The following LRRC8B variants were observed in gnomAD, a reference collection of about 807,000 sequenced individuals.
The protein encoded by LRRC8B is volume-regulated anion channel subunit LRRC8B.
Under a neutral mutation model 58.8 loss-of-function variants are expected in LRRC8B, and 23 were observed. That is an observed-to-expected ratio of 0.39 (90% CI 0.28 to 0.55). The LOEUF is 0.55. Ranked by LOEUF, LRRC8B falls within the 20% of genes least tolerant of loss-of-function variation. LRRC8B has a pLI of 0.62. For missense variants in LRRC8B, 694 were observed against 936.0 expected (o/e 0.74, Z 3.37); for synonymous variants, 359 against 374.1 (o/e 0.96, Z 0.47).
At position 89,594,955 on chromosome 1, in the gene LRRC8B, T is replaced by G. The variant is rs1306241048; in HGVS notation, c.*1912T>G. ...TTTCTCTTGCTTTGTTCCAGAAAGA[T>G]GAAAGTGAGTCTTTAAAGCATAGCA... On this transcript the variant is annotated 3_prime_UTR_variant, in exon 6 of 6. Coordinates refer to ENST00000330947, the MANE Select transcript of LRRC8B (RefSeq NM_001369817.2). 6.6e-6 allele frequency: 1 copy of G among 152,178 alleles called. No homozygotes were observed. Among genetic ancestry groups the G allele is most frequent in the Admixed American group, 6.5e-5 (1 of 15,270 alleles). The allele number at this position is 152,178 out of a possible 1,614,324, so 9.4% of individuals were successfully genotyped here.
At chr1:89,553,696 CT>C (rs1257887717) in intron 1 of LRRC8B, among the ~76,000 whole-genome samples, 1 of 152,168 alleles carries the variant, frequency 6.6e-6, no homozygotes, top group Admixed American at 6.5e-5. Context: ...CATCAGTTTA[CT>C]GGCTAAATCT....
At chr1:89,556,463 A>C (rs1652199346) in intron 1 of LRRC8B, among the ~76,000 whole-genome samples, 1 of 152,176 alleles carries the variant, frequency 6.6e-6, no homozygotes, top group African/African-American at 2.4e-5. Flanking sequence ...AGTCAAGTCA[A>C]ACAGAAGTAC....
intron 1 of LRRC8B, among the ~76,000 whole-genome samples, chr1:89,539,897 A>G (rs995588029): frequency 2.0e-5 from 3 of 152,226 alleles, no homozygotes; most frequent in East Asian, 1.9e-4. Flanking sequence ...AAAAATAAGT[A>G]GTTGAACAGC....
intron 1 of LRRC8B, among the ~76,000 whole-genome samples, chr1:89,529,289 C>T (rs1638693285): frequency 6.6e-6 from 1 of 152,156 alleles, no homozygotes; most frequent in African/African-American, 2.4e-5. Flanking sequence ...ATTTTAAATA[C>T]TTGGGCATTT....
At chr1:89,565,580 G>C (rs954819748) in intron 1 of LRRC8B, among the ~76,000 whole-genome samples, 1 of 152,214 alleles carries the variant, frequency 6.6e-6, no homozygotes, top group African/African-American at 2.4e-5. Flanking sequence ...GCTGTCATTT[G>C]CTTTGCCACC....
At chr1:89,552,502 G>A (rs1392873592) in intron 1 of LRRC8B, among the ~76,000 whole-genome samples, 1 of 152,134 alleles carries the variant, frequency 6.6e-6, no homozygotes, top group South Asian at 2.1e-4. Context: ...TACTGAGTCA[G>A]TTAAAAGCAG....
intron 1 of LRRC8B, among the ~76,000 whole-genome samples, chr1:89,566,153 A>G (rs139129160): frequency 1.6e-4 from 24 of 152,352 alleles, no homozygotes; most frequent in African/African-American, 3.4e-4. Context: ...TGGGATGCCA[A>G]TAAATGAGAT....
chr1:89,555,971 C>G (rs1029111424), intron 1 of LRRC8B, among the ~76,000 whole-genome samples: 1 of 152,144 alleles, frequency 6.6e-6, no homozygotes, highest in South Asian at 2.1e-4. Flanking sequence ...TTAACCATAC[C>G]TAAGTTTGTT....
At chr1:89,539,057 T>C (rs1441523139) in intron 1 of LRRC8B, among the ~76,000 whole-genome samples, 1 of 152,152 alleles carries the variant, frequency 6.6e-6, no homozygotes, top group African/African-American at 2.4e-5. Flanking sequence ...CTTTAAAATC[T>C]CAGAAGCCTA....
rs187536943 is a variant in LRRC8B, at chr1:89,563,405, G to A, written c.-240-4842G>A. Among the ~76,000 whole-genome samples, 218 of 152,188 alleles carry A rather than the reference G, an allele frequency of 1.4e-3. 1 individual carries two copies. Among genetic ancestry groups the A allele is most frequent in the Non-Finnish European group, 2.7e-3 (184 of 68,016 alleles). On this transcript the variant is annotated intron_variant, in intron 1 of 5. Coordinates refer to ENST00000330947, the MANE Select transcript of LRRC8B (RefSeq NM_001369817.2). ...ATTGCATCAAAAAGTAGAGGTTACC[G>A]GCACAGGTTAACTTTTTAAAAACAT...
At chr1:89,533,380 G>A (rs991348361) in intron 1 of LRRC8B, among the ~76,000 whole-genome samples, 4 of 152,158 alleles carry the variant, frequency 2.6e-5, no homozygotes, top group Non-Finnish European at 5.9e-5. Context: ...GACACAGTGT[G>A]CAGTCATACC....
At chr1:89,549,258 T>A (rs1040133401) in intron 1 of LRRC8B, among the ~76,000 whole-genome samples, 3 of 152,214 alleles carry the variant, frequency 2.0e-5, no homozygotes, top group African/African-American at 7.2e-5. Context: ...TTTCCAACTC[T>A]ATCAAAGCTA....
chr1:89,569,416 T>G (rs1236196229), intron 3 of LRRC8B, among the ~76,000 whole-genome samples: 3 of 152,130 alleles, frequency 2.0e-5, no homozygotes, highest in Non-Finnish European at 4.4e-5. Flanking sequence ...GTCACCCAGG[T>G]AGTGAGCATA....
In LRRC8B at chr1:89,583,755, A is replaced by C; in HGVS notation, c.1105A>C (p.Ile369Leu). 6.2e-7 allele frequency: 1 copy of C among 1,614,206 alleles called. No individual in the cohort carries two copies. The highest frequency in any genetic ancestry group is 1.1e-5 in the South Asian group (1 of 91,086). The change falls in exon 5 of 6, where the codon ATC (isoleucine) becomes CTC (leucine). Residue 369 changes from isoleucine (I) to leucine (L), a missense_variant. Around this residue, in one of 5 missense-constraint regions of LRRC8B, gnomAD observed 24 missense variants for 63.2 expected, o/e 0.38. Coordinates refer to ENST00000330947, the MANE Select transcript of LRRC8B (RefSeq NM_001369817.2). The surrounding 1 kb of genome is among the most constrained non-coding windows in gnomAD (Gnocchi z 5.2). ...TGATGTCAAGAATGACTTTGCCTTC[A>C]TCCTTCATCTGGCTGATCAGTATGA... ...IPDVKNDFAF[I>L]LHLADQYDPL...
chr1:89,574,968 CTAA>C (rs1653736120), intron 3 of LRRC8B, among the ~76,000 whole-genome samples: 1 of 152,184 alleles, frequency 6.6e-6, no homozygotes, highest in South Asian at 2.1e-4. Context: ...GGAAGGGCTT[CTAA>C]TAATTTCAAG....
intron 1 of LRRC8B, 117 bp from the exon 2 acceptor site, chr1:89,568,130 T>C (rs1271159434): frequency 1.3e-5 from 2 of 152,182 alleles, no homozygotes; most frequent in East Asian, 3.8e-4. Flanking sequence ...GGTACTCATA[T>C]ATAATGCTAT....
At chr1:89,526,137 T>C (rs1421244364) in intron 1 of LRRC8B, among the ~76,000 whole-genome samples, 2 of 152,216 alleles carry the variant, frequency 1.3e-5, no homozygotes, top group Non-Finnish European at 2.9e-5. Context: ...CAAACTGCAG[T>C]GTAATTTTTT....
chr1:89,550,795 A>AC (rs1466006383), intron 1 of LRRC8B, among the ~76,000 whole-genome samples: 3 of 152,116 alleles, frequency 2.0e-5, no homozygotes, highest in Non-Finnish European at 4.4e-5. Context: ...TGATACTACC[A>AC]TGGTCTTCAC....
chr1:89,562,102 A>G (rs552898795), intron 1 of LRRC8B, among the ~76,000 whole-genome samples: 1 of 151,600 alleles, frequency 6.6e-6, no homozygotes, highest in African/African-American at 2.4e-5. Flanking sequence ...TGTGTCTGCT[A>G]TCACTAAGGC....
Sources: gnomAD v4.1 joint callset for allele counts (sites outside exome capture counted in the v4.1 genomes callset) on GRCh38, gnomAD v4.1.1 for gene constraint, gnomAD v4.1.1 regional missense constraint, Gnocchi (gnomAD v3.1) non-coding constraint, MANE v1.5 for transcripts, NCBI Gene and HGNC (gene_info 2026-07-23, HGNC 2026-07-21) for gene names.